Variants in POU2F2 observed in about 807,000 individuals in gnomAD.
The protein encoded by POU2F2 is POU class 2 homeobox 2.
In POU2F2, 14 loss-of-function variants were observed where a neutral mutation model predicts 63.5. The observed-to-expected ratio is 0.22, with a 90% CI of 0.15 to 0.34. The LOEUF (loss-of-function observed/expected upper bound fraction) is 0.34. POU2F2 is among the 10% of genes least tolerant of loss of function. POU2F2 has a pLI of 1.00. For missense variants in POU2F2, 607 were observed against 815.2 expected (o/e 0.74, Z 3.11); for synonymous variants, 306 against 348.6 (o/e 0.88, Z 1.36).
intron 1 of POU2F2, among the ~76,000 whole-genome samples, chr19:42,164,002 G>A (rs1344445835): frequency 1.3e-5 from 2 of 152,134 alleles, no homozygotes; most frequent in Non-Finnish European, 1.5e-5. Flanking sequence ...CAAGTATGTA[G>A]CATATCATCC....
At chr19:42,112,495 G>A (rs1568373022) in intron 5 of POU2F2, among the ~76,000 whole-genome samples, 1 of 152,134 alleles carries the variant, frequency 6.6e-6, no homozygotes, top group African/African-American at 2.4e-5. Flanking sequence ...TCAGCCACCC[G>A]AGTAGCTAGG....
chr19:42,115,635 TG>T (rs1187167725), intron 5 of POU2F2, among the ~76,000 whole-genome samples: 1 of 151,706 alleles, frequency 6.6e-6, no homozygotes, highest in Non-Finnish European at 1.5e-5. Context: ...TGGACAGGAG[TG>T]GGCTGGAGAC....
At chr19:42,094,358 G>A (rs2146309027) in intron 11 of POU2F2, among the ~76,000 whole-genome samples, 1 of 152,306 alleles carries the variant, frequency 6.6e-6, no homozygotes, top group South Asian at 2.1e-4. Context: ...CTAAATGGAT[G>A]CATATCTTTG....
intron 4 of POU2F2, among the ~76,000 whole-genome samples, chr19:42,118,330 G>C (rs1266193837): frequency 6.6e-6 from 1 of 152,194 alleles, no homozygotes; most frequent in Non-Finnish European, 1.5e-5. Flanking sequence ...AAAGTCAGAT[G>C]CTTACAGAAA....
Position 42,117,300 on chromosome 19 carries a change from G to A in POU2F2, c.319C>T (p.Pro107Ser). 2 of 1,514,486 alleles carry A rather than the reference G, an allele frequency of 1.3e-6. No homozygotes were observed. The highest frequency in any genetic ancestry group is 2.7e-5 in the South Asian group (2 of 74,650). 93.8% of individuals were successfully genotyped at this position (1,514,486 alleles called of 1,614,324 possible). The change falls in exon 5 of 15, where the codon CCT becomes TCT. Residue 107 changes from proline (P) to serine (S), a missense_variant. Transcript: ENST00000692977. The surrounding 1 kb of genome is among the most constrained non-coding windows in gnomAD (Gnocchi z 4.4). ...AAPLPPQPAQ[P>S]HLPQAQLMLT... ...ATGAGTTGGGCCTGGGGCAGATGAGGCTGGGCCGGCTGAGGGGGCAGGGGT... is the reference window on the plus strand; with the variant it reads ...ATGAGTTGGGCCTGGGGCAGATGAGACTGGGCCGGCTGAGGGGGCAGGGGT...
At chr19:42,158,405 G>A (rs1043921815) in intron 2 of POU2F2, among the ~76,000 whole-genome samples, 1 of 152,170 alleles carries the variant, frequency 6.6e-6, no homozygotes, top group African/African-American at 2.4e-5. Flanking sequence ...GTTTTGGTGA[G>A]GTAAAAGAAT....
At chr19:42,168,308 G>C (rs868341407) in intron 1 of POU2F2, among the ~76,000 whole-genome samples, 2 of 152,200 alleles carry the variant, frequency 1.3e-5, no homozygotes, top group Non-Finnish European at 2.9e-5. Context: ...GCTCTGTCTA[G>C]TCCCTCTCAA....
At chr19:42,115,421 A>T (rs1450963583) in intron 5 of POU2F2, among the ~76,000 whole-genome samples, 1 of 152,140 alleles carries the variant, frequency 6.6e-6, no homozygotes, top group Non-Finnish European at 1.5e-5. Context: ...GGTTGGACGG[A>T]GTGAGAGAAA....
chr19:42,182,570 A>T (rs1247386604), intron 1 of POU2F2, among the ~76,000 whole-genome samples: 4 of 152,152 alleles, frequency 2.6e-5, no homozygotes, highest in Admixed American at 6.5e-5. Context: ...TCTGAATGAA[A>T]TTTAGAGGTT....
rs138128838 is a variant in POU2F2, at chr19:42,107,253, G to A, written c.370-7432C>T. Among the ~76,000 whole-genome samples, 1,000 of 152,216 alleles carry A rather than the reference G, an allele frequency of 6.6e-3. 14 individuals carry two copies. The highest frequency in any genetic ancestry group is 0.023 in the African/African-American group (957 of 41,508). ...GCCTGTAGTTGCAGCTACATGGGAG[G>A]CTGAGGAAGGAGAATCACTTGAACC... is the stretch of plus-strand genomic sequence containing the variant. On this transcript the variant is annotated intron_variant, in intron 5 of 14. Coordinates refer to ENST00000692977, the MANE Select transcript of POU2F2 (RefSeq NM_001394376.1).
In POU2F2 at chr19:42,095,617, G is replaced by T; in HGVS notation, c.948C>A (p.Pro316=). 1 of 1,612,952 alleles carries T rather than the reference G, an allele frequency of 6.2e-7. No homozygotes were observed. Among genetic ancestry groups the T allele is most frequent in the Non-Finnish European group, 8.5e-7 (1 of 1,179,800 alleles). ...TGGTCCTCTTCTTGCGTCTCCGGCC[G>T]GGCAGGCCGTCGAAACCCAGGCTGG... ...SSPSLGFDGL[P]GRRRKKRTSI... Residue 316 remains proline (P), a synonymous_variant, in exon 10 of 15, where the codon CCC becomes CCA. Coordinates refer to ENST00000692977, the MANE Select transcript of POU2F2 (RefSeq NM_001394376.1). The surrounding 1 kb of genome is among the most constrained non-coding windows in gnomAD (Gnocchi z 7.1).
chr19:42,124,902 G>T (rs2033049325), intron 1 of POU2F2, among the ~76,000 whole-genome samples: 1 of 152,160 alleles, frequency 6.6e-6, no homozygotes, highest in South Asian at 2.1e-4. Context: ...TGAGCACCTT[G>T]GGGGTACTGA....
At chr19:42,106,001 TTCTTTC>T (rs1438045583) in intron 5 of POU2F2, among the ~76,000 whole-genome samples, 4 of 88,214 alleles carry the variant, frequency 4.5e-5, no homozygotes, top group Admixed American at 4.4e-4. Context: ...TCTTTCTTTT[TTCTTTC>T]TTTCTTTCTT....
chr19:42,105,938 A>C (rs1380403686), intron 5 of POU2F2, among the ~76,000 whole-genome samples: 1 of 151,932 alleles, frequency 6.6e-6, no homozygotes, highest in Non-Finnish European at 1.5e-5. Context: ...AAAAAAAAAA[A>C]ACCTATTGCC....
At position 42,152,401 on chromosome 19, in the gene POU2F2, G is replaced by A. The variant is rs919725264; in HGVS notation, c.-9+7931C>T. Among the ~76,000 whole-genome samples the A allele has an allele frequency of 1.1e-4, 16 of 152,036 alleles. No homozygotes were observed. The highest frequency in any genetic ancestry group is 8.5e-4 in the Admixed American group (13 of 15,276). ...CCCCAGATGGGCCGAGGACTATAGG[G>A]GTCCCGGCTGCCCTCCCCCAAACCT... On this transcript the variant is annotated intron_variant, in intron 2 of 6. Transcript: ENST00000524801. The surrounding 1 kb of genome is among the most constrained non-coding windows in gnomAD (Gnocchi z 4.1).
chr19:42,116,586 A>T (rs918725743), intron 5 of POU2F2: 8 of 188,150 alleles, frequency 4.3e-5, no homozygotes, highest in South Asian at 2.8e-4. Flanking sequence ...GTTGCTAGGA[A>T]CTGCCTGGCA....
At chr19:42,166,806 C>A (rs1599703223) in intron 1 of POU2F2, among the ~76,000 whole-genome samples, 1 of 152,180 alleles carries the variant, frequency 6.6e-6, no homozygotes, top group East Asian at 1.9e-4. Flanking sequence ...TGCCAATGTA[C>A]CCCTCCAGCA....
Position 42,091,596 on chromosome 19 carries a change from C to T in POU2F2, c.1541-5G>A, listed in dbSNP as rs758491215. The T allele has an allele frequency of 1.8e-5, 28 of 1,544,372 alleles. No individual in the cohort carries two copies. In the South Asian group the frequency reaches 2.0e-4, roughly 11 times the overall value. ...GGGTTCCACCAGAGGCCAGGGCTGG[C>T]GGGGAGAGAGAGAGGCTGGGCTAAG... On this transcript the variant is annotated splice_region_variant and splice_polypyrimidine_tract_variant and intron_variant, in intron 14 of 14. Transcript: ENST00000692977.
At position 42,091,264 on chromosome 19, in the gene POU2F2, G is replaced by A; in HGVS notation, c.1868C>T (p.Pro623Leu). Residue 623 changes from proline (P) to leucine (L), a missense_variant, in exon 15 of 15, where the codon CCT becomes CTT. Around this residue, in one of 7 missense-constraint regions of POU2F2, gnomAD observed 270 missense variants for 307.5 expected, o/e 0.88. Coordinates refer to ENST00000692977, the MANE Select transcript of POU2F2 (RefSeq NM_001394376.1). ...GGGAGGCATGGCTGGCCCTCACTCA[G>A]GTTTGGACCCTGCCTCGGGCCCCCC... ...GPGGPEAGSK[P>L]E 6.5e-7 allele frequency: 1 copy of A among 1,532,604 alleles called. No homozygotes were observed. The highest frequency in any genetic ancestry group is 1.4e-5 in the African/African-American group (1 of 73,018). The allele number at this position is 1,532,604 out of a possible 1,614,324, so 94.9% of individuals were successfully genotyped here.
Sources: allele counts gnomAD v4.1 joint callset (sites outside exome capture counted in the v4.1 genomes callset), GRCh38; gene constraint gnomAD v4.1.1; regional missense constraint gnomAD v4.1.1; non-coding constraint Gnocchi (gnomAD v3.1); transcripts MANE v1.5; gene names NCBI Gene and HGNC (gene_info 2026-07-23, HGNC 2026-07-21).